DDX10: variants seen among roughly 807,000 people sequenced by gnomAD.
DDX10 encodes probable ATP-dependent RNA helicase DDX10.
In DDX10, 74 loss-of-function variants were observed where a neutral mutation model predicts 104.3. The ratio of observed to expected loss-of-function variants is 0.71; its 90% CI spans 0.59 to 0.86. DDX10 has a LOEUF of 0.86. DDX10 is among the 40% of genes least tolerant of loss of function. DDX10 has a pLI of 0.00. For missense variants in DDX10, 952 were observed against 1,040.0 expected (o/e 0.92, Z 1.16); for synonymous variants, 351 against 353.4 (o/e 0.99, Z 0.08).
chr11:108,739,726 T>C (rs1306227030), intron 13 of DDX10, among the ~76,000 whole-genome samples: 1 of 152,156 alleles, frequency 6.6e-6, no homozygotes, highest in Non-Finnish European at 1.5e-5. Flanking sequence ...AATATTAGTT[T>C]TCTGAATGGG....
At chr11:108,811,524 C>T (rs1420895445) in intron 13 of DDX10, among the ~76,000 whole-genome samples, 3 of 152,126 alleles carry the variant, frequency 2.0e-5, no homozygotes. Context: ...AGTTATTCAC[C>T]ATCCTCTGCC....
chr11:108,783,388 C>T (rs895533012), intron 13 of DDX10, among the ~76,000 whole-genome samples: 1 of 151,950 alleles, frequency 6.6e-6, no homozygotes, highest in Admixed American at 6.6e-5. Context: ...TATTGAAGAG[C>T]GTTGATAAAG....
chr11:108,709,366 C>T (rs1183888684), intron 10 of DDX10, among the ~76,000 whole-genome samples: 1 of 152,206 alleles, frequency 6.6e-6, no homozygotes, highest in East Asian at 1.9e-4. Context: ...AGGAAATTGG[C>T]ATTTCTTTCT....
At chr11:108,759,686 A>T (rs1037624100) in intron 13 of DDX10, among the ~76,000 whole-genome samples, 1 of 152,018 alleles carries the variant, frequency 6.6e-6, no homozygotes, top group African/African-American at 2.4e-5. Flanking sequence ...AAATGGCAGA[A>T]TTTGATTGTG....
At chr11:108,901,295 G>C (rs2134648796) in intron 16 of DDX10, among the ~76,000 whole-genome samples, 1 of 152,282 alleles carries the variant, frequency 6.6e-6, no homozygotes, top group South Asian at 2.1e-4. Flanking sequence ...AATACTTGTT[G>C]CGTGAATTTT....
Position 108,830,761 on chromosome 11 carries a change from G to C in DDX10, c.1966-7685G>C, listed in dbSNP as rs568679884. 3.2e-4 allele frequency among the ~76,000 whole-genome samples: 48 copies of C among 152,254 alleles called. 1 individual carries two copies. In the South Asian group the frequency reaches 8.7e-3, roughly 28 times the overall value. ...CTGTGCTTAGGATTTTCATCATAAA[G>C]GGGTGATGGATTTTGTCAAATGCTT... On this transcript the variant is annotated intron_variant, in intron 13 of 17. Transcript: ENST00000322536.
chr11:108,785,022 G>T (rs938243069), intron 13 of DDX10, among the ~76,000 whole-genome samples: 13 of 151,998 alleles, frequency 8.6e-5, no homozygotes, highest in Non-Finnish European at 2.9e-5. Flanking sequence ...TTTATTTCTG[G>T]GTTCTCTGTT....
At chr11:108,806,406 CTGTT>C (rs1299231866) in intron 13 of DDX10, among the ~76,000 whole-genome samples, 2 of 152,190 alleles carry the variant, frequency 1.3e-5, no homozygotes, top group Non-Finnish European at 2.9e-5. Context: ...TTATGATACT[CTGTT>C]TGGTATGTAG....
At chr11:108,725,296 T>G (rs955296794) in intron 13 of DDX10, among the ~76,000 whole-genome samples, 1 of 152,116 alleles carries the variant, frequency 6.6e-6, no homozygotes, top group Non-Finnish European at 1.5e-5. Flanking sequence ...TGTAGATAAT[T>G]TTCTCATTTC....
intron 15 of DDX10, among the ~76,000 whole-genome samples, chr11:108,843,826 C>T (rs1322211735): frequency 6.6e-6 from 1 of 152,034 alleles, no homozygotes; most frequent in Non-Finnish European, 1.5e-5. Flanking sequence ...CATACCTACA[C>T]CCTTATAGCT....
At chr11:108,771,315 T>C (rs1047253350) in intron 13 of DDX10, among the ~76,000 whole-genome samples, 2 of 152,106 alleles carry the variant, frequency 1.3e-5, no homozygotes, top group African/African-American at 4.8e-5. Flanking sequence ...GTCTCTTTAC[T>C]TTATTGATTG....
At chr11:108,911,503 G>C (rs1435876196) in intron 16 of DDX10, among the ~76,000 whole-genome samples, 1 of 148,368 alleles carries the variant, frequency 6.7e-6, no homozygotes, top group Admixed American at 6.7e-5. Context: ...ATCTCATTCA[G>C]ATAGGCTCTA....
At chr11:108,889,586 A>G (rs1863347686) in intron 16 of DDX10, among the ~76,000 whole-genome samples, 2 of 152,206 alleles carry the variant, frequency 1.3e-5, no homozygotes, top group Non-Finnish European at 2.9e-5. Context: ...TTGCCAAAGT[A>G]CGGATGACCA....
At chr11:108,915,514 A>G (rs1565317660) in intron 16 of DDX10, among the ~76,000 whole-genome samples, 1 of 151,774 alleles carries the variant, frequency 6.6e-6, no homozygotes, top group Non-Finnish European at 1.5e-5. Context: ...CTTTAAAAAA[A>G]TTATATAATG....
intron 16 of DDX10, among the ~76,000 whole-genome samples, chr11:108,910,664 A>G (rs1344891004): frequency 6.6e-6 from 1 of 151,436 alleles, no homozygotes; most frequent in African/African-American, 2.4e-5. Flanking sequence ...GGTGACACTG[A>G]TCTCTTCATG....
At chr11:108,883,340 C>G (rs961180163) in intron 16 of DDX10, among the ~76,000 whole-genome samples, 1 of 152,148 alleles carries the variant, frequency 6.6e-6, no homozygotes, top group African/African-American at 2.4e-5. Context: ...ATATCATATT[C>G]TTTCCTGCAT....
chr11:108,883,057 G>A (rs777533540), intron 16 of DDX10, among the ~76,000 whole-genome samples: 13 of 151,994 alleles, frequency 8.6e-5, no homozygotes, highest in African/African-American at 1.4e-4. Context: ...GATATGTTAC[G>A]GGGTTTTTCC....
At chr11:108,701,562 TAA>T (rs1349828091) in intron 9 of DDX10, among the ~76,000 whole-genome samples, 1 of 152,090 alleles carries the variant, frequency 6.6e-6, no homozygotes, top group East Asian at 1.9e-4. Context: ...GAAAATGTAG[TAA>T]ATAGTGATTT....
chr11:108,917,950 A>G lies in DDX10; in HGVS notation c.2382A>G (p.Thr794=), dbSNP rs149965764. ...DDDDDGFDPS[T]LPDPDKYRSS... ...ATGATGATGGATTTGATCCAAGCACACTCCCAGATCCAGATAAATACAGAA... is the reference window on the plus strand; with the variant it reads ...ATGATGATGGATTTGATCCAAGCACGCTCCCAGATCCAGATAAATACAGAA... The change falls in exon 17 of 18, where the codon ACA becomes ACG. Residue 794 remains threonine, a synonymous_variant. Transcript: ENST00000322536. 9 of 1,613,262 alleles carry G rather than the reference A, an allele frequency of 5.6e-6. No homozygotes were observed. The highest frequency in any genetic ancestry group is 1.7e-5 in the Admixed American group (1 of 59,994).
Sources: allele counts gnomAD v4.1 joint callset (sites outside exome capture counted in the v4.1 genomes callset), GRCh38; gene constraint gnomAD v4.1.1; transcripts MANE v1.5; gene names NCBI Gene and HGNC (gene_info 2026-07-23, HGNC 2026-07-21).